TSPAN8: variants seen among roughly 807,000 people sequenced by gnomAD.
The protein encoded by TSPAN8 is tetraspanin 8, also known as tetraspanin-8.
TSPAN8 carries 21 observed loss-of-function variants against 32.8 expected under a neutral mutation model. That is an observed-to-expected ratio of 0.64 (90% CI 0.45 to 0.92). The LOEUF (loss-of-function observed/expected upper bound fraction) is 0.92, where lower values mean the gene tolerates loss of function less well. TSPAN8 is among the 40% of genes least tolerant of loss of function. The pLI is 0.00. For missense variants in TSPAN8, 269 were observed against 281.9 expected (o/e 0.95, Z 0.33); for synonymous variants, 95 against 94.6 (o/e 1.00, Z -0.03).
chr12:71,152,082 C>A (rs1327448455), intron 2 of TSPAN8, among the ~76,000 whole-genome samples: 2 of 152,202 alleles, frequency 1.3e-5, no homozygotes, highest in African/African-American at 4.8e-5. Flanking sequence ...TATTGATGGT[C>A]AGTCCTTGGT....
intron 2 of TSPAN8, chr12:71,157,253 A>T: frequency 5.5e-6 from 1 of 180,730 alleles, no homozygotes; most frequent in African/African-American, 2.4e-5. Flanking sequence ...CGGGCTCCGG[A>T]TGGAATCAGA....
At position 71,157,917 on chromosome 12, in the gene TSPAN8, G is replaced by A. The variant is rs1872499182; in HGVS notation, c.-110+13C>T. 9 of 486,250 alleles carry A rather than the reference G, an allele frequency of 1.9e-5. No individual in the cohort carries two copies. In the South Asian group the frequency reaches 3.4e-4, roughly 18 times the overall value. 30.1% of individuals were successfully genotyped at this position (486,250 alleles called of 1,614,324 possible). ...ACCCACACATTTAAATATCTCAAAG[G>A]CTATTAACTCACACATTTAAATATC... is the stretch of plus-strand genomic sequence containing the variant. On this transcript the variant is annotated intron_variant, in intron 1 of 8. Coordinates refer to ENST00000247829, the MANE Select transcript of TSPAN8 (RefSeq NM_004616.3).
At chr12:71,152,553 T>C (rs913248243) in intron 2 of TSPAN8, among the ~76,000 whole-genome samples, 1 of 152,194 alleles carries the variant, frequency 6.6e-6, no homozygotes, top group African/African-American at 2.4e-5. Flanking sequence ...TTTTTACAGA[T>C]GAGGACAAAT....
At position 71,129,385 on chromosome 12, in the gene TSPAN8, C is replaced by T. The variant is rs1466181134; in HGVS notation, c.606G>A (p.Leu202=). ...ETCISFIKDF[L]AKNLIIVIGI... The stretch of plus-strand genomic sequence containing the variant: ...CAATAACTATAATCAAATTTTTTGC[C>T]AAGAAGTCTTTTATGAAAGAAATAC... Residue 202 remains leucine, a synonymous_variant, in exon 8 of 9, where the codon TTG becomes TTA. Coordinates refer to ENST00000247829, the MANE Select transcript of TSPAN8 (RefSeq NM_004616.3). 2.5e-6 allele frequency: 4 copies of T among 1,581,562 alleles called. No individual in the cohort carries two copies. The Admixed American group carries it at 5.5e-5, about 22-fold the overall frequency.
intron 3 of TSPAN8, 73 bp downstream of exon 3, chr12:71,144,078 T>C (rs1731411837): frequency 7.5e-7 from 1 of 1,328,634 alleles, no homozygotes; most frequent in South Asian, 1.3e-5. Flanking sequence ...ATTACTATTA[T>C]TGTTATAACT....
chr12:71,125,141 A>G lies in TSPAN8; in HGVS notation c.*193T>C, dbSNP rs1177084509. 1.2e-5 allele frequency: 6 copies of G among 489,754 alleles called. No homozygotes were observed. The allele number at this position is 489,754 out of a possible 1,614,324, so 30.3% of individuals were successfully genotyped here. A position where few individuals can be genotyped will look rare whatever the true frequency, so the allele number is the denominator to read the frequency against. On this transcript the variant is annotated 3_prime_UTR_variant, in exon 9 of 9. Coordinates refer to ENST00000247829, the MANE Select transcript of TSPAN8 (RefSeq NM_004616.3). ...ATTTTGAGTAAAAATACACATTCAT[A>G]TCATTTTCCCTTATATCCCTCAAAT...
chr12:71,128,641 G>GTT (rs201862566), intron 8 of TSPAN8, among the ~76,000 whole-genome samples: 6,270 of 139,128 alleles, frequency 0.045, 228 homozygotes, highest in Non-Finnish European at 0.065. Context: ...TATCTTTCAG[G>GTT]TTTTTTTTTT....
At chr12:71,137,315 G>C (rs1271605124) in intron 6 of TSPAN8, among the ~76,000 whole-genome samples, 1 of 151,968 alleles carries the variant, frequency 6.6e-6, no homozygotes, top group Non-Finnish European at 1.5e-5. Context: ...AGAAGAGAGA[G>C]AGGCCATGTG....
intron 8 of TSPAN8, 33 bp downstream of exon 8, chr12:71,129,298 T>A (rs769465084): frequency 3.1e-5 from 46 of 1,495,488 alleles, no homozygotes; most frequent in Non-Finnish European, 3.8e-5. Flanking sequence ...AGCAAGGGAA[T>A]AAAAGAGTCA....
intron 3 of TSPAN8, among the ~76,000 whole-genome samples, chr12:71,141,531 C>T (rs1393771311): frequency 6.6e-6 from 1 of 151,850 alleles, no homozygotes; most frequent in Non-Finnish European, 1.5e-5. Flanking sequence ...GCCAGACATA[C>T]AAATAATAGT....
In TSPAN8 at chr12:71,138,147, T is replaced by C. The variant is rs1871773743; in HGVS notation, c.336+9A>G. ...CTTCTTCAAAATTTTCAAACATCTG[T>C]GCACACACCTTAGATTTGAAAACAG... On this transcript the variant is annotated intron_variant, in intron 5 of 8. Transcript: ENST00000247829. 6.2e-7 allele frequency: 1 copy of C among 1,613,990 alleles called. No homozygotes were observed. The highest frequency in any genetic ancestry group is 8.5e-7 in the Non-Finnish European group (1 of 1,179,942).
chr12:71,147,310 C>T (rs1327941705), intron 2 of TSPAN8, among the ~76,000 whole-genome samples: 1 of 152,140 alleles, frequency 6.6e-6, no homozygotes, highest in African/African-American at 2.4e-5. Context: ...CCTACTTCTT[C>T]CCTCCAAATT....
At chr12:71,127,796 C>G (rs1265901131) in intron 8 of TSPAN8, among the ~76,000 whole-genome samples, 1 of 152,068 alleles carries the variant, frequency 6.6e-6, no homozygotes, top group Non-Finnish European at 1.5e-5. Context: ...CAAGTATGTC[C>G]TTACTTTTTC....
At chr12:71,142,409 G>A (rs944897220) in intron 3 of TSPAN8, among the ~76,000 whole-genome samples, 12 of 152,086 alleles carry the variant, frequency 7.9e-5, no homozygotes, top group Admixed American at 1.3e-4. Flanking sequence ...CACTGGGAGG[G>A]AAAGAAAATA....
intron 8 of TSPAN8, among the ~76,000 whole-genome samples, chr12:71,127,194 T>G (rs1450932092): frequency 6.6e-6 from 1 of 152,124 alleles, no homozygotes; most frequent in Non-Finnish European, 1.5e-5. Flanking sequence ...TTTTTTGAAT[T>G]TGAACTTTGG....
intron 2 of TSPAN8, among the ~76,000 whole-genome samples, chr12:71,154,348 A>C (rs1381589515): frequency 2.6e-4 from 37 of 143,558 alleles, no homozygotes; most frequent in African/African-American, 7.6e-4. Flanking sequence ...TAATAATAAT[A>C]ATAATAATCA....
intron 2 of TSPAN8, among the ~76,000 whole-genome samples, chr12:71,146,979 T>G (rs1200656614): frequency 6.6e-6 from 1 of 152,128 alleles, no homozygotes; most frequent in Non-Finnish European, 1.5e-5. Context: ...CTTTCTCTAC[T>G]CATACCCAGG....
chr12:71,141,021 T>C (rs1372881032), intron 3 of TSPAN8, among the ~76,000 whole-genome samples: 1 of 152,258 alleles, frequency 6.6e-6, no homozygotes, highest in Non-Finnish European at 1.5e-5. Flanking sequence ...GAGGAAACTT[T>C]TATTCAACAG....
chr12:71,156,013 G>A (rs1038011773), intron 2 of TSPAN8, among the ~76,000 whole-genome samples: 4 of 152,048 alleles, frequency 2.6e-5, no homozygotes, highest in Non-Finnish European at 5.9e-5. Flanking sequence ...TTACAGGCGT[G>A]AGCCACTGCG....
Sources: allele counts gnomAD v4.1 joint callset (sites outside exome capture counted in the v4.1 genomes callset), GRCh38; gene constraint gnomAD v4.1.1; transcripts MANE v1.5; gene names NCBI Gene and HGNC (gene_info 2026-07-23, HGNC 2026-07-21).